The following PIGN variants were observed in gnomAD, a reference collection of about 807,000 sequenced individuals.
PIGN encodes GPI ethanolamine phosphate transferase 1.
PIGN carries 117 observed loss-of-function variants against 125.4 expected under a neutral mutation model. The ratio of observed to expected loss-of-function variants is 0.93; its 90% confidence interval spans 0.80 to 1.09. PIGN has a LOEUF of 1.09. Among genes scored for constraint, PIGN ranks in the 50% least tolerant of loss-of-function variants. The probability of loss-of-function intolerance (pLI) is 0.00; values close to 1 mark genes in which losing one functional copy is unlikely to be tolerated. For synonymous variants in PIGN, 392 were observed against 377.8 expected, an observed-to-expected ratio of 1.04 and a Z score of -0.44; for missense variants, 1,075 against 1,094.9, an observed-to-expected ratio of 0.98 and a Z score of 0.26.
chr18:62,122,820 T>A (rs923690540), intron 14 of PIGN, among the ~76,000 whole-genome samples: 2 of 152,136 alleles, frequency 1.3e-5, no homozygotes, highest in Non-Finnish European at 2.9e-5. Flanking sequence ...TCTAGACCTA[T>A]CTTTCCTCTT....
intron 14 of PIGN, chr18:62,118,583 T>A (rs185014484): frequency 6.6e-6 from 1 of 152,066 alleles, no homozygotes; most frequent in African/African-American, 2.4e-5. Flanking sequence ...AATCCAAGAG[T>A]CTTTGGCAAT....
intron 4 of PIGN, among the ~76,000 whole-genome samples, chr18:62,158,934 ATTAGT>A (rs2036838981): frequency 6.6e-6 from 1 of 152,262 alleles, no homozygotes; most frequent in South Asian, 2.1e-4. Context: ...ATTTAAAAAC[ATTAGT>A]TTAGATCACG....
chr18:62,146,839 A>T, intron 9 of PIGN, 132 bp downstream of exon 9: 1 of 797,926 alleles, frequency 1.3e-6, no homozygotes, highest in Non-Finnish European at 1.8e-6. Context: ...CTAACATTTT[A>T]AGCACAGAAT....
At chr18:62,094,527 G>A (rs2034097188) in intron 23 of PIGN, among the ~76,000 whole-genome samples, 1 of 152,028 alleles carries the variant, frequency 6.6e-6, no homozygotes, top group South Asian at 2.1e-4. Flanking sequence ...AAAAACTTGT[G>A]CATAGTTGAA....
intron 15 of PIGN, among the ~76,000 whole-genome samples, chr18:62,113,687 C>T (rs1351821188): frequency 6.6e-6 from 1 of 151,914 alleles, no homozygotes; most frequent in Non-Finnish European, 1.5e-5. Flanking sequence ...TGAGATTACT[C>T]AAATCAGTTA....
At chr18:62,097,558 G>A in intron 22 of PIGN, among the ~76,000 whole-genome samples, 1 of 151,594 alleles carries the variant, frequency 6.6e-6, no homozygotes, top group Non-Finnish European at 1.5e-5. Flanking sequence ...ATTTGACCCA[G>A]CCATCCCATT....
intron 23 of PIGN, among the ~76,000 whole-genome samples, chr18:62,019,394 C>G (rs1253873506): frequency 6.6e-6 from 1 of 152,182 alleles, no homozygotes; most frequent in Non-Finnish European, 1.5e-5. Context: ...ACTTCTTAGA[C>G]TAACAAAACA....
At position 62,157,182 on chromosome 18, in the gene PIGN, C is replaced by T; in HGVS notation, c.389G>A (p.Ser130Asn). ...PVEFDSLFNE[S>N]KYTWSWGSPD... is the part of the protein sequence containing the mutation. ...GCTTCCCCAGCTCCATGTGTATTTA[C>T]TTTCATTAAAAAGAGAATCAAACTC... The change falls in exon 6 of 31, where the codon AGT becomes AAT. Residue 130 changes from serine to asparagine, a missense_variant. Coordinates refer to ENST00000640252, the MANE Select transcript of PIGN (RefSeq NM_176787.5). The T allele has an allele frequency of 6.2e-7, 1 of 1,609,974 alleles. No individual in the cohort carries two copies. The highest frequency in any genetic ancestry group is 8.5e-7 in the Non-Finnish European group (1 of 1,177,456).
chr18:62,081,002 TAA>T (rs752578849), intron 28 of PIGN, among the ~76,000 whole-genome samples: 8 of 152,158 alleles, frequency 5.3e-5, no homozygotes, highest in Non-Finnish European at 7.4e-5. Context: ...AAGTAAATTT[TAA>T]GTTATGAAAA....
rs1229712475 is a variant in PIGN at position 62,080,292 on chromosome 18, C to T, written c.2576+2381G>A. On this transcript the variant is annotated intron_variant, in intron 28 of 30. Coordinates refer to ENST00000640252, the MANE Select transcript of PIGN (RefSeq NM_176787.5). Reference sequence around the variant, plus strand: ...GTAATACTAAAACTTGTTTCTCTTTCTCAGCGGCCTTCTAATCTTCTCTCA... The same window carrying T: ...GTAATACTAAAACTTGTTTCTCTTTTTCAGCGGCCTTCTAATCTTCTCTCA... 7.2e-5 allele frequency among the ~76,000 whole-genome samples: 11 copies of T among 152,156 alleles called. No homozygotes were observed. The South Asian group carries it at 1.7e-3, about 23-fold the overall frequency.
intron 1 of PIGN, among the ~76,000 whole-genome samples, chr18:62,179,057 T>C (rs1466398828): frequency 6.6e-6 from 1 of 152,194 alleles, no homozygotes. Context: ...TTTTGTATAA[T>C]GTCTTGCTAT....
intron 23 of PIGN, among the ~76,000 whole-genome samples, chr18:62,022,075 C>T (rs1056730056): frequency 6.6e-6 from 1 of 152,118 alleles, no homozygotes; most frequent in African/African-American, 2.4e-5. Flanking sequence ...TAGCAGTTCA[C>T]GTCTTCAAAG....
intron 24 of PIGN, among the ~76,000 whole-genome samples, chr18:62,090,243 G>T (rs1005678878): frequency 6.6e-6 from 1 of 152,064 alleles, no homozygotes; most frequent in African/African-American, 2.4e-5. Context: ...TGATCCTCAA[G>T]TAATCACTAA....
rs1670900416 is a variant in PIGN, at chr18:62,147,028, C to A, written c.748G>T (p.Gly250Ter). The A allele has an allele frequency of 1.2e-6, 2 of 1,611,768 alleles. No homozygotes were observed. The highest frequency in any genetic ancestry group is 1.7e-6 in the Non-Finnish European group (2 of 1,178,374). ...EIVSMFNHFY[G>*]NDGKTTFIFT... ...ATAAATGTTGTTTTCCCATCATTTCCATAGAAGTGGTTAAACATAGACACG... is the reference window on the plus strand; with the variant it reads ...ATAAATGTTGTTTTCCCATCATTTCAATAGAAGTGGTTAAACATAGACACG... The change falls in exon 9 of 31, where the codon GGA becomes TGA. Residue 250 changes from glycine (G) to a stop codon, truncating the protein, a stop_gained. Coordinates refer to ENST00000640252, the MANE Select transcript of PIGN (RefSeq NM_176787.5). LOFTEE classifies it high-confidence loss of function.
intron 1 of PIGN, among the ~76,000 whole-genome samples, chr18:62,178,425 T>C (rs1599700220): frequency 6.6e-6 from 1 of 151,914 alleles, no homozygotes; most frequent in South Asian, 2.1e-4. Flanking sequence ...CACCTAGAGA[T>C]TGTGTTCTTA....
chr18:62,018,238 G>A (rs1332244669), intron 23 of PIGN, among the ~76,000 whole-genome samples: 1 of 152,224 alleles, frequency 6.6e-6, no homozygotes, highest in Non-Finnish European at 1.5e-5. Flanking sequence ...AGGACTTCCA[G>A]CTGCTCTGGT....
intron 3 of PIGN, among the ~76,000 whole-genome samples, chr18:62,161,995 T>C (rs2147633866): frequency 6.6e-6 from 1 of 152,294 alleles, no homozygotes; most frequent in East Asian, 1.9e-4. Context: ...GAAGTTAAAT[T>C]TCATCTGTGC....
chr18:62,049,897 C>T (rs1313111144), intron 30 of PIGN, among the ~76,000 whole-genome samples: 1 of 148,524 alleles, frequency 6.7e-6, no homozygotes, highest in Non-Finnish European at 1.5e-5. Context: ...GGAAGGGATC[C>T]AGTTTCAGCT....
intron 1 of PIGN, among the ~76,000 whole-genome samples, chr18:62,183,351 C>T (rs954062051): frequency 3.3e-5 from 5 of 152,114 alleles, no homozygotes; most frequent in Non-Finnish European, 7.4e-5. Flanking sequence ...CTAGCCTCTG[C>T]CTTCTTTTCT....
Sources: gnomAD v4.1 joint callset for allele counts (sites outside exome capture counted in the v4.1 genomes callset) on GRCh38, gnomAD v4.1.1 for gene constraint, MANE v1.5 for transcripts, NCBI Gene and HGNC (gene_info 2026-07-23, HGNC 2026-07-21) for gene names.